PHF14: variants seen among roughly 807,000 people sequenced by gnomAD.
PHF14 encodes the protein PHD finger protein 14.
A neutral mutation model predicts 117.9 loss-of-function variants in PHF14; 55 were observed. That is an observed-to-expected ratio of 0.47 (90% confidence interval 0.38 to 0.58). PHF14 has a LOEUF of 0.58. Among genes scored for constraint, PHF14 ranks in the 20% least tolerant of loss-of-function variants. The pLI is 0.00. For missense variants in PHF14, 978 were observed against 1,122.2 expected (o/e 0.87, Z 1.84); for synonymous variants, 409 against 368.6 (o/e 1.11, Z -1.26).
At chr7:11,122,649 A>G (rs1787810943) in intron 17 of PHF14, among the ~76,000 whole-genome samples, 1 of 151,890 alleles carries the variant, frequency 6.6e-6, no homozygotes, top group Non-Finnish European at 1.5e-5. Context: ...TACTTTAAAA[A>G]TTGAATTATC....
At chr7:11,071,606 T>A (rs1328026194) in intron 16 of PHF14, among the ~76,000 whole-genome samples, 1 of 152,218 alleles carries the variant, frequency 6.6e-6, no homozygotes, top group South Asian at 2.1e-4. Flanking sequence ...TGTTCAACGA[T>A]CATTACAGTC....
intron 7 of PHF14, among the ~76,000 whole-genome samples, chr7:11,032,520 G>A (rs1396157841): frequency 6.6e-6 from 1 of 151,408 alleles, no homozygotes; most frequent in East Asian, 1.9e-4. Flanking sequence ...AAGATTTTAA[G>A]ATTCTAGACC....
chr7:11,121,447 G>T (rs981142345), intron 17 of PHF14, among the ~76,000 whole-genome samples: 2 of 152,122 alleles, frequency 1.3e-5, no homozygotes, highest in Non-Finnish European at 2.9e-5. Context: ...TCTCAGTACA[G>T]TAGCCTCCCC....
chr7:11,039,198 C>G (rs764107545), intron 11 of PHF14, among the ~76,000 whole-genome samples: 4 of 151,944 alleles, frequency 2.6e-5, no homozygotes, highest in Non-Finnish European at 5.9e-5. Context: ...GTTTTAGATT[C>G]CCTGCCACAT....
intron 4 of PHF14, among the ~76,000 whole-genome samples, chr7:11,009,052 A>AAG (rs1491582683): frequency 6.6e-6 from 1 of 151,128 alleles, no homozygotes; most frequent in Non-Finnish European, 1.5e-5. Context: ...AAAAAAAAAA[A>AAG]GTCTTTTTTA....
At chr7:11,079,426 A>G (rs1785991350) in intron 16 of PHF14, among the ~76,000 whole-genome samples, 1 of 152,196 alleles carries the variant, frequency 6.6e-6, no homozygotes. Flanking sequence ...GGAAAAAGCC[A>G]TTCGTAGTAC....
At chr7:11,016,879 C>A (rs946339473) in intron 5 of PHF14, among the ~76,000 whole-genome samples, 2 of 152,114 alleles carry the variant, frequency 1.3e-5, no homozygotes, top group Admixed American at 1.3e-4. Flanking sequence ...CACCTCCCCC[C>A]ACCATTTCAC....
intron 16 of PHF14, chr7:11,103,461 C>A: frequency 1.0e-6 from 1 of 982,110 alleles, no homozygotes; most frequent in African/African-American, 1.7e-5. Context: ...CAGAGGTATA[C>A]AGAATTAAAA....
chr7:11,032,037 C>G (rs1256916653), intron 7 of PHF14, among the ~76,000 whole-genome samples: 1 of 152,078 alleles, frequency 6.6e-6, no homozygotes, highest in East Asian at 1.9e-4. Context: ...AGGAGGATCT[C>G]TTGAGGCTGG....
intron 4 of PHF14, among the ~76,000 whole-genome samples, chr7:10,996,764 A>G (rs1782665219): frequency 6.6e-6 from 1 of 152,190 alleles, no homozygotes; most frequent in South Asian, 2.1e-4. Flanking sequence ...CATAGTGTTG[A>G]TATGTTTTGG....
intron 10 of PHF14, among the ~76,000 whole-genome samples, chr7:11,037,902 T>A (rs1784364053): frequency 6.6e-6 from 1 of 152,160 alleles, no homozygotes; most frequent in Admixed American, 6.5e-5. Flanking sequence ...TGATCCTTAG[T>A]TTTTTTCATT....
At chr7:11,006,773 TG>T in intron 4 of PHF14, 1 of 785,430 alleles carries the variant, frequency 1.3e-6, no homozygotes, top group Non-Finnish European at 2.2e-6. Context: ...TTGGTGGCTG[TG>T]GACACCTTTC....
At chr7:11,121,984 G>C (rs1399194648) in intron 17 of PHF14, among the ~76,000 whole-genome samples, 1 of 151,678 alleles carries the variant, frequency 6.6e-6, no homozygotes, top group Non-Finnish European at 1.5e-5. Context: ...CATGCATTAG[G>C]TATTTGTCCT....
At chr7:11,159,387 T>C (rs1033263295) in intron 17 of PHF14, among the ~76,000 whole-genome samples, 1 of 152,066 alleles carries the variant, frequency 6.6e-6, no homozygotes, top group Non-Finnish European at 1.5e-5. Flanking sequence ...AAAGGAAATA[T>C]AAAATTATAT....
At position 10,994,770 on chromosome 7, in the gene PHF14, G is replaced by A. The variant is rs1782574058; in HGVS notation, c.1045+3923G>A. Among the ~76,000 whole-genome samples the A allele has an allele frequency of 2.0e-5, 3 of 152,196 alleles. No homozygotes were observed. The South Asian group carries it at 6.2e-4, about 32-fold the overall frequency. On this transcript the variant is annotated intron_variant, in intron 4 of 17. Coordinates refer to ENST00000634607, the MANE Select transcript of PHF14 (RefSeq NM_001007157.2). ...TTCTTTCTGGTGGGTTCGTGGTCTC[G>A]CTGGCTCAGGAGTGAAGCTGCAGAC...
At chr7:11,066,735 T>C (rs184097755) in intron 16 of PHF14, among the ~76,000 whole-genome samples, 107 of 152,348 alleles carry the variant, frequency 7.0e-4, no homozygotes, top group Middle Eastern at 3.4e-3. Context: ...GCTTTTTCAA[T>C]GTGGGCTTAT....
At chr7:10,991,122 C>T (rs1046730785) in intron 4 of PHF14, among the ~76,000 whole-genome samples, 1 of 151,770 alleles carries the variant, frequency 6.6e-6, no homozygotes, top group African/African-American at 2.4e-5. Flanking sequence ...TCCTGGGTAG[C>T]TGGGACTACA....
At chr7:11,137,094 CCCTT>C in intron 17 of PHF14, among the ~76,000 whole-genome samples, 1 of 152,322 alleles carries the variant, frequency 6.6e-6, no homozygotes, top group East Asian at 1.9e-4. Flanking sequence ...ACGGCTTAAA[CCCTT>C]CCCAAGAAAA....
At chr7:11,101,591 G>T (rs546292435) in intron 16 of PHF14, among the ~76,000 whole-genome samples, 1 of 151,870 alleles carries the variant, frequency 6.6e-6, no homozygotes, top group South Asian at 2.1e-4. Context: ...TTTTGTGGGG[G>T]TGTTTACAGT....
Sources: allele counts gnomAD v4.1 joint callset (sites outside exome capture counted in the v4.1 genomes callset), GRCh38; gene constraint gnomAD v4.1.1; transcripts MANE v1.5; gene names NCBI Gene and HGNC (gene_info 2026-07-23, HGNC 2026-07-21).